Variants in SUGCT observed in about 807,000 individuals in gnomAD.
The protein encoded by SUGCT is succinyl-CoA:glutarate-CoA transferase.
Under a neutral mutation model 55.0 loss-of-function variants are expected in SUGCT, and 41 were observed. The ratio of observed to expected loss-of-function variants is 0.74; its 90% CI spans 0.58 to 0.97. The LOEUF (loss-of-function observed/expected upper bound fraction) is 0.97, where lower values mean the gene tolerates loss of function less well. Ranked by LOEUF, SUGCT falls within the 50% of genes least tolerant of loss-of-function variation. The pLI is 0.00. For missense variants in SUGCT, 568 were observed against 547.8 expected (o/e 1.04, Z -0.37); for synonymous variants, 187 against 200.4 (o/e 0.93, Z 0.56).
intron 1 of SUGCT, among the ~76,000 whole-genome samples, chr7:40,166,824 T>C (rs1784444335): frequency 6.6e-6 from 1 of 150,734 alleles, no homozygotes; most frequent in Non-Finnish European, 1.5e-5. Context: ...GAGGTGGAGG[T>C]TGCAGTGAGC....
At chr7:40,597,182 A>G (rs1031391554) in intron 12 of SUGCT, among the ~76,000 whole-genome samples, 15 of 152,196 alleles carry the variant, frequency 9.9e-5, no homozygotes, top group African/African-American at 3.6e-4. Context: ...CCAAAAGAAA[A>G]TCCTTAACAT....
At chr7:40,303,031 T>A (rs964856056) in intron 8 of SUGCT, among the ~76,000 whole-genome samples, 2 of 152,120 alleles carry the variant, frequency 1.3e-5, no homozygotes, top group Admixed American at 1.3e-4. Flanking sequence ...GAAAGCCATT[T>A]TTTTTCTTTT....
At chr7:40,992,785 G>A in the SUGCT span, among the ~76,000 whole-genome samples, 3 of 152,072 alleles carry the variant, frequency 2.0e-5, no homozygotes, top group African/African-American at 7.2e-5. Flanking sequence ...TTTTCTCTTT[G>A]GACCTCAGTT....
At chr7:40,835,267 C>G (rs560366797) in intron 13 of SUGCT, among the ~76,000 whole-genome samples, 4 of 152,256 alleles carry the variant, frequency 2.6e-5, no homozygotes, top group African/African-American at 9.6e-5. Flanking sequence ...GGTCTTTTGT[C>G]TCTTTGAGAT....
At chr7:40,876,886 G>C in the SUGCT span, among the ~76,000 whole-genome samples, 1 of 152,160 alleles carries the variant, frequency 6.6e-6, no homozygotes, top group Admixed American at 6.5e-5. Flanking sequence ...GGCCTGTGCA[G>C]CCTGGAGCCA....
At chr7:40,325,698 CG>C (rs779558720) in intron 9 of SUGCT, among the ~76,000 whole-genome samples, 4 of 151,984 alleles carry the variant, frequency 2.6e-5, no homozygotes, top group Non-Finnish European at 4.4e-5. Context: ...CCCAGCTACT[CG>C]GGAGGCTGAG....
chr7:40,825,250 T>C (rs1391179448), intron 13 of SUGCT, among the ~76,000 whole-genome samples: 2 of 152,114 alleles, frequency 1.3e-5, no homozygotes, highest in Non-Finnish European at 2.9e-5. Context: ...AGAGGGAAAA[T>C]AAATTGTTTT....
intron 9 of SUGCT, among the ~76,000 whole-genome samples, chr7:40,402,583 GT>G (rs1326432874): frequency 3.4e-5 from 5 of 147,116 alleles, no homozygotes; most frequent in South Asian, 2.1e-4. Flanking sequence ...ATTGGTACCT[GT>G]TTTTTTTTTC....
intron 12 of SUGCT, among the ~76,000 whole-genome samples, chr7:40,633,100 A>T (rs1799865835): frequency 6.6e-6 from 1 of 152,184 alleles, no homozygotes; most frequent in African/African-American, 2.4e-5. Context: ...TGAGTGATTT[A>T]TAAGAGATTC....
intron 11 of SUGCT, among the ~76,000 whole-genome samples, chr7:40,477,003 A>G (rs916372961): frequency 6.6e-6 from 1 of 152,122 alleles, no homozygotes; most frequent in African/African-American, 2.4e-5. Flanking sequence ...AATATCACAA[A>G]CAACATTTAA....
chr7:40,642,095 T>G (rs1326118180), intron 12 of SUGCT, among the ~76,000 whole-genome samples: 1 of 152,148 alleles, frequency 6.6e-6, no homozygotes, highest in Non-Finnish European at 1.5e-5. Context: ...TAAAGTAAGT[T>G]TGGTAATAGT....
the SUGCT span, among the ~76,000 whole-genome samples, chr7:40,968,775 C>T: frequency 6.6e-6 from 1 of 152,140 alleles, no homozygotes; most frequent in Non-Finnish European, 1.5e-5. Context: ...GCAAACCCTC[C>T]AGTAAGTAAC....
At chr7:40,147,951 A>G (rs927843063) in intron 1 of SUGCT, among the ~76,000 whole-genome samples, 4 of 152,246 alleles carry the variant, frequency 2.6e-5, no homozygotes, top group South Asian at 2.1e-4. Flanking sequence ...GTGAGCACAC[A>G]CTTGGACAAG....
chr7:40,249,779 T>C (rs1029397721), intron 7 of SUGCT, among the ~76,000 whole-genome samples: 3 of 152,122 alleles, frequency 2.0e-5, no homozygotes, highest in Admixed American at 2.0e-4. Flanking sequence ...TTATACTTTA[T>C]TTTAATTGAC....
the SUGCT span, among the ~76,000 whole-genome samples, chr7:41,005,838 C>T: frequency 6.6e-6 from 1 of 152,196 alleles, no homozygotes. Flanking sequence ...GTTTCCCCAT[C>T]CTTGGTGACT....
chr7:40,278,368 C>T (rs1024942870), intron 8 of SUGCT, among the ~76,000 whole-genome samples: 3 of 152,080 alleles, frequency 2.0e-5, no homozygotes. Context: ...GTCAGTGTGG[C>T]GATTCCTCAG....
chr7:40,596,045 G>A (rs1797993908), intron 12 of SUGCT, among the ~76,000 whole-genome samples: 1 of 152,052 alleles, frequency 6.6e-6, no homozygotes, highest in Non-Finnish European at 1.5e-5. Context: ...CATTTTATTC[G>A]GGACATGGCT....
At chr7:40,552,672 T>C (rs1795359279) in intron 12 of SUGCT, among the ~76,000 whole-genome samples, 1 of 152,284 alleles carries the variant, frequency 6.6e-6, no homozygotes, top group Non-Finnish European at 1.5e-5. Flanking sequence ...GGGTGACATC[T>C]TCCATCACAC....
At chr7:40,521,651 CG>C (rs1793534621) in intron 12 of SUGCT, among the ~76,000 whole-genome samples, 1 of 151,962 alleles carries the variant, frequency 6.6e-6, no homozygotes, top group African/African-American at 2.4e-5. Flanking sequence ...TATATCTCTT[CG>C]TTTTTTTCTC....
Sources: allele counts gnomAD v4.1 joint callset (sites outside exome capture counted in the v4.1 genomes callset), GRCh38; gene constraint gnomAD v4.1.1; transcripts MANE v1.5; gene names NCBI Gene and HGNC (gene_info 2026-07-23, HGNC 2026-07-21).